ERC1: variants seen among roughly 807,000 people sequenced by gnomAD.
ERC1 encodes the protein ELKS/RAB6-interacting/CAST family member 1, also known as RAB6 interacting protein 2.
In ERC1, 56 loss-of-function variants were observed where a neutral mutation model predicts 132.0. The observed-to-expected ratio is 0.42, with a 90% CI of 0.34 to 0.53. The LOEUF (loss-of-function observed/expected upper bound fraction) is 0.53. Ranked by LOEUF, ERC1 falls within the 20% of genes least tolerant of loss-of-function variation. The pLI, the probability that ERC1 is intolerant of heterozygous loss-of-function variation, is 0.03. For missense variants in ERC1, 1,202 were observed against 1,349.9 expected (o/e 0.89, Z 1.72); for synonymous variants, 478 against 476.1 (o/e 1.00, Z -0.05).
At chr12:1,485,322 A>G (rs1592350525) in intron 18 of ERC1, among the ~76,000 whole-genome samples, 1 of 145,512 alleles carries the variant, frequency 6.9e-6, no homozygotes, top group South Asian at 2.2e-4. Flanking sequence ...CTTCTGCCTC[A>G]GCCACCCAAG....
intron 1 of ERC1, among the ~76,000 whole-genome samples, chr12:1,026,797 T>A (rs892153534): frequency 6.6e-6 from 1 of 152,260 alleles, no homozygotes; most frequent in African/African-American, 2.4e-5. Flanking sequence ...TTGAGGGCTG[T>A]CTTCCTTCCT....
At chr12:1,322,705 T>C (rs541794921) in intron 15 of ERC1, among the ~76,000 whole-genome samples, 4 of 152,308 alleles carry the variant, frequency 2.6e-5, no homozygotes, top group African/African-American at 9.6e-5. Context: ...CTAAGCTCTT[T>C]ATTCTGATTG....
intron 18 of ERC1, among the ~76,000 whole-genome samples, chr12:1,468,467 T>C (rs1273624729): frequency 6.6e-6 from 1 of 152,184 alleles, no homozygotes; most frequent in Non-Finnish European, 1.5e-5. Flanking sequence ...CCCAGCATTG[T>C]GTTGCACACC....
At chr12:1,154,773 A>G (rs1291958274) in intron 8 of ERC1, among the ~76,000 whole-genome samples, 1 of 152,204 alleles carries the variant, frequency 6.6e-6, no homozygotes, top group Non-Finnish European at 1.5e-5. Flanking sequence ...TCTCAAAAGA[A>G]GATATACAAA....
At chr12:1,177,878 G>A (rs1025134993) in intron 8 of ERC1, among the ~76,000 whole-genome samples, 1 of 152,206 alleles carries the variant, frequency 6.6e-6, no homozygotes, top group Non-Finnish European at 1.5e-5. Context: ...ACCCGTATAT[G>A]GAGTACTGAA....
rs1191837552 is a variant in ERC1, at chr12:1,028,187, G to C, written c.284G>C (p.Gly95Ala). ...PKSTMTLGRS[G>A]GRLPYGVRMT... ...AGCACCATGACACTTGGCCGTTCTGGGGGACGTCTGCCTTACGGTGTTCGG... is the reference window on the plus strand; with the variant it reads ...AGCACCATGACACTTGGCCGTTCTGCGGGACGTCTGCCTTACGGTGTTCGG... Residue 95 changes from glycine (G) to alanine (A), a missense_variant, in exon 2 of 19, where the codon GGG (glycine) becomes GCG (alanine). Coordinates refer to ENST00000360905, the MANE Select transcript of ERC1 (RefSeq NM_178040.4). The C allele has an allele frequency of 6.2e-7, 1 of 1,614,174 alleles. No homozygotes were observed. Among genetic ancestry groups the C allele is most frequent in the Non-Finnish European group, 8.5e-7 (1 of 1,180,032 alleles).
intron 18 of ERC1, among the ~76,000 whole-genome samples, chr12:1,487,652 C>T (rs373755233): frequency 3.3e-5 from 5 of 149,740 alleles, no homozygotes; most frequent in African/African-American, 7.6e-5. Flanking sequence ...GTCAGGAGGT[C>T]GAGGCCACAG....
At chr12:1,296,022 A>AAG (rs944911952) in intron 15 of ERC1, among the ~76,000 whole-genome samples, 1 of 150,640 alleles carries the variant, frequency 6.6e-6, no homozygotes, top group African/African-American at 2.4e-5. Flanking sequence ...AAAAAAAAAA[A>AAG]AAAACAACTA....
rs75639298 is a variant in ERC1 at position 1,459,994 on chromosome 12, T to C, written c.3213+15244T>C. ...CATGTATATTTATCAAGATAGAGAA[T>C]TAATTAATGAATGATATGACAAATG... On this transcript the variant is annotated intron_variant, in intron 18 of 18. Coordinates refer to ENST00000360905, the MANE Select transcript of ERC1 (RefSeq NM_178040.4). 4.6e-3 allele frequency among the ~76,000 whole-genome samples: 701 copies of C among 152,302 alleles called. 4 individuals are homozygous for C. The highest frequency in any genetic ancestry group is 0.016 in the African/African-American group (657 of 41,552).
At chr12:1,388,602 C>G (rs1263358501) in intron 16 of ERC1, among the ~76,000 whole-genome samples, 1 of 152,092 alleles carries the variant, frequency 6.6e-6, no homozygotes, top group Non-Finnish European at 1.5e-5. Flanking sequence ...GTAGGGGATG[C>G]CAAGCCATGG....
Position 1,437,093 on chromosome 12 carries a change from T to C in ERC1, c.3025-7469T>C, listed in dbSNP as rs1272129402. Reference sequence around the variant, plus strand: ...TGAATTCAAAGTGTTTTCTCGTCTTTGTTAACTCTTAACAGCAAGAAAGAA... The same window carrying C: ...TGAATTCAAAGTGTTTTCTCGTCTTCGTTAACTCTTAACAGCAAGAAAGAA... On this transcript the variant is annotated intron_variant, in intron 17 of 18. Transcript: ENST00000360905. Among the ~76,000 whole-genome samples the C allele has an allele frequency of 2.6e-5, 4 of 152,226 alleles. No homozygotes were observed. In the East Asian group the frequency reaches 7.7e-4, roughly 29 times the overall value.
intron 2 of ERC1, among the ~76,000 whole-genome samples, chr12:1,052,644 G>GA (rs1972222654): frequency 1.3e-5 from 2 of 152,068 alleles, no homozygotes; most frequent in African/African-American, 2.4e-5. Flanking sequence ...CTCCATCTGA[G>GA]AAAAAACATT....
At chr12:1,218,831 TATACACAC>T (rs1660935345) in intron 12 of ERC1, among the ~76,000 whole-genome samples, 1 of 137,238 alleles carries the variant, frequency 7.3e-6, no homozygotes, top group Non-Finnish European at 1.5e-5. Flanking sequence ...TATATATATA[TATACACAC>T]ACACACACAC....
chr12:1,302,180 G>A (rs1315301634), intron 15 of ERC1, among the ~76,000 whole-genome samples: 1 of 152,150 alleles, frequency 6.6e-6, no homozygotes, highest in Non-Finnish European at 1.5e-5. Flanking sequence ...TTTCTAGAAT[G>A]TAAGGTTTGT....
intron 18 of ERC1, among the ~76,000 whole-genome samples, chr12:1,489,708 A>C (rs1443300847): frequency 6.6e-6 from 1 of 152,202 alleles, no homozygotes; most frequent in Non-Finnish European, 1.5e-5. Context: ...AGTCCTTTAA[A>C]TTCTAAGTTC....
intron 15 of ERC1, among the ~76,000 whole-genome samples, chr12:1,353,032 T>TC (rs1194829724): frequency 4.7e-5 from 7 of 147,610 alleles, no homozygotes; most frequent in Non-Finnish European, 8.9e-5. Flanking sequence ...TCTTTTCTTT[T>TC]TTTTTTTTTT....
chr12:1,060,072 A>T (rs541335575), intron 2 of ERC1, among the ~76,000 whole-genome samples: 1 of 152,152 alleles, frequency 6.6e-6, no homozygotes, highest in East Asian at 1.9e-4. Flanking sequence ...ATGCTGGCTG[A>T]TGAAGACATA....
intron 1 of ERC1, among the ~76,000 whole-genome samples, chr12:1,014,800 G>T (rs1410541958): frequency 1.3e-5 from 2 of 151,550 alleles, no homozygotes; most frequent in African/African-American, 4.9e-5. Flanking sequence ...AAATCTCACT[G>T]TCACCCAGGC....
chr12:1,431,881 G>T (rs1370295944), intron 17 of ERC1, among the ~76,000 whole-genome samples: 1 of 152,144 alleles, frequency 6.6e-6, no homozygotes, highest in African/African-American at 2.4e-5. Flanking sequence ...ATAGTAAATA[G>T]TGTATAGTTA....
Sources: gnomAD v4.1 joint callset for allele counts (sites outside exome capture counted in the v4.1 genomes callset) on GRCh38, gnomAD v4.1.1 for gene constraint, MANE v1.5 for transcripts, NCBI Gene and HGNC (gene_info 2026-07-23, HGNC 2026-07-21) for gene names.